PRTFDC1: variants seen among roughly 807,000 people sequenced by gnomAD.
PRTFDC1 encodes the protein phosphoribosyl transferase domain containing 1.
In PRTFDC1, 38 loss-of-function variants were observed where a neutral mutation model predicts 34.6. That is an observed-to-expected ratio of 1.10 (90% CI 0.85 to 1.44). The LOEUF (loss-of-function observed/expected upper bound fraction) is 1.44. Among genes scored for constraint, PRTFDC1 ranks in the 40% most tolerant of loss-of-function variants. PRTFDC1 has a pLI of 0.00. For missense variants in PRTFDC1, 270 were observed against 283.0 expected, an observed-to-expected ratio of 0.95 and a Z score of 0.33; for synonymous variants, 93 against 98.1, an observed-to-expected ratio of 0.95 and a Z score of 0.31.
chr10:24,949,992 C>G (rs1849314861), intron 1 of PRTFDC1, among the ~76,000 whole-genome samples: 1 of 152,066 alleles, frequency 6.6e-6, no homozygotes, highest in African/African-American at 2.4e-5. Context: ...CCTCGGCCTC[C>G]CAAAGTGGTG....
chr10:24,917,065 C>T (rs1393563268), intron 3 of PRTFDC1, among the ~76,000 whole-genome samples: 1 of 152,206 alleles, frequency 6.6e-6, no homozygotes, highest in Non-Finnish European at 1.5e-5. Flanking sequence ...TAGCTGCATT[C>T]ATATGCTTGT....
At chr10:24,858,563 T>C (rs958480685) in intron 4 of PRTFDC1, among the ~76,000 whole-genome samples, 154 bp from the exon 5 acceptor site, 2 of 152,206 alleles carry the variant, frequency 1.3e-5, no homozygotes, top group Non-Finnish European at 2.9e-5. Flanking sequence ...ATCTAGGTTT[T>C]CCAGATTCAT....
chr10:24,865,904 C>A (rs950476305), intron 4 of PRTFDC1, among the ~76,000 whole-genome samples: 1 of 152,116 alleles, frequency 6.6e-6, no homozygotes, highest in African/African-American at 2.4e-5. Context: ...TTTAGCATTT[C>A]GTTTTATGTG....
intron 2 of PRTFDC1, among the ~76,000 whole-genome samples, chr10:24,938,785 G>A (rs1849096008): frequency 6.6e-6 from 1 of 152,222 alleles, no homozygotes; most frequent in Admixed American, 6.5e-5. Flanking sequence ...CCTGGACAGT[G>A]AAGGCTGTGT....
intron 3 of PRTFDC1, among the ~76,000 whole-genome samples, chr10:24,889,547 T>C (rs184257581): frequency 6.6e-6 from 1 of 152,152 alleles, no homozygotes; most frequent in Non-Finnish European, 1.5e-5. Flanking sequence ...AGGCATAATA[T>C]AGAGCTAAGG....
At position 24,849,613 on chromosome 10, in the gene PRTFDC1, C is replaced by T. The variant is rs1301812707; in HGVS notation, c.*231G>A. On this transcript the variant is annotated 3_prime_UTR_variant, in exon 9 of 9. Transcript: ENST00000320152. ...TAGATAGCATTGCTGAGTCACAAGG[C>T]GGAGTGTTTAATTTGGAACAAGTCA... 3 of 476,606 alleles carry T rather than the reference C, an allele frequency of 6.3e-6. No individual in the cohort carries two copies. The highest frequency in any genetic ancestry group is 1.1e-5 in the Non-Finnish European group (3 of 267,286). 29.5% of individuals were successfully genotyped at this position (476,606 alleles called of 1,614,324 possible).
intron 3 of PRTFDC1, among the ~76,000 whole-genome samples, chr10:24,892,575 C>G (rs1035820156): frequency 6.6e-6 from 1 of 152,068 alleles, no homozygotes; most frequent in South Asian, 2.1e-4. Flanking sequence ...AAAAAATAAT[C>G]TTTTCCTGAT....
rs191872199 is a variant in PRTFDC1, at chr10:24,943,249, T to C, written c.49-813A>G. Among the ~76,000 whole-genome samples the C allele has an allele frequency of 4.1e-3, 626 of 152,202 alleles. 7 individuals carry two copies. Among genetic ancestry groups the C allele is most frequent in the African/African-American group, 0.014 (567 of 41,534 alleles). On this transcript the variant is annotated intron_variant, in intron 1 of 8. Coordinates refer to ENST00000320152, the MANE Select transcript of PRTFDC1 (RefSeq NM_020200.7). ...CAGAGTAGACCCAAACTTTTGAATG[T>C]CTAGTCACTATAGTAAAGACTTTAA...
chr10:24,911,170 TAC>T, intron 3 of PRTFDC1, among the ~76,000 whole-genome samples: 1 of 152,344 alleles, frequency 6.6e-6, no homozygotes, highest in South Asian at 2.1e-4. Flanking sequence ...CATCTATCAT[TAC>T]AGTCATGATG....
At chr10:24,904,488 T>C (rs1194484374) in intron 3 of PRTFDC1, among the ~76,000 whole-genome samples, 1 of 152,176 alleles carries the variant, frequency 6.6e-6, no homozygotes, top group East Asian at 1.9e-4. Context: ...TTCGAGTAGG[T>C]GTGCTAGTCT....
At chr10:24,865,730 G>A (rs1847763212) in intron 4 of PRTFDC1, among the ~76,000 whole-genome samples, 1 of 152,200 alleles carries the variant, frequency 6.6e-6, no homozygotes, top group Non-Finnish European at 1.5e-5. Flanking sequence ...GTATTTTAGA[G>A]CACACAGTGA....
rs558047233 is a variant in PRTFDC1 at position 24,871,758 on chromosome 10, G to A, written c.405+240C>T. ...ACAAGGTGGGCAAAGGGGTTTTGCT[G>A]TCTGAAACAAGATTGGAAGGAAGCT... On this transcript the variant is annotated intron_variant, in intron 4 of 8. Transcript: ENST00000320152. Among the ~76,000 whole-genome samples, 5 of 152,266 alleles carry A rather than the reference G, an allele frequency of 3.3e-5. No individual in the cohort carries two copies. The South Asian group carries it at 1.0e-3, about 32-fold the overall frequency.
intron 3 of PRTFDC1, among the ~76,000 whole-genome samples, chr10:24,923,612 A>C (rs1394163757): frequency 1.3e-5 from 2 of 152,186 alleles, no homozygotes; most frequent in African/African-American, 2.4e-5. Context: ...CAACATCAAC[A>C]AAAAGGACAT....
rs775256550 is a variant in PRTFDC1 at position 24,872,011 on chromosome 10, G to A, written c.392C>T (p.Thr131Met). The change falls in exon 4 of 9, where the codon ACG becomes ATG. Residue 131 changes from threonine to methionine, a missense_variant. By Grantham distance (81) the Thr-to-Met change is moderately conservative. Coordinates refer to ENST00000320152, the MANE Select transcript of PRTFDC1 (RefSeq NM_020200.7). The stretch of plus-strand genomic sequence containing the variant: ...ACATGAACAAACCTTTCCAGCCAGC[G>A]TTGAAAGATCATCGCCTCCGATTAT... The part of the protein sequence containing the change: ...MQIIGGDDLS[T>M]LAGKNVLIVE... The A allele has an allele frequency of 2.7e-5, 43 of 1,611,148 alleles. 1 individual carries two copies. Among genetic ancestry groups the A allele is most frequent in the Non-Finnish European group, 3.3e-5 (39 of 1,177,614 alleles).
At chr10:24,948,451 T>C (rs1849287193) in intron 1 of PRTFDC1, among the ~76,000 whole-genome samples, 1 of 152,232 alleles carries the variant, frequency 6.6e-6, no homozygotes, top group South Asian at 2.1e-4. Context: ...GCAAAATTTC[T>C]GACCTTAGGA....
intron 3 of PRTFDC1, among the ~76,000 whole-genome samples, chr10:24,885,775 G>A (rs1269406330): frequency 6.6e-6 from 1 of 152,182 alleles, no homozygotes; most frequent in Non-Finnish European, 1.5e-5. Flanking sequence ...ATGGATGAAT[G>A]AGCTATGATG....
In PRTFDC1 at chr10:24,920,317, G is replaced by GTATA. The variant is rs143760625; in HGVS notation, c.339+16863_339+16866dup. 3.5e-4 allele frequency among the ~76,000 whole-genome samples: 52 copies of GTATA among 150,332 alleles called. 1 individual carries two copies. The highest frequency in any genetic ancestry group is 1.1e-3 in the African/African-American group (45 of 40,974). On this transcript the variant is annotated intron_variant, in intron 3 of 8. Coordinates refer to ENST00000320152, the MANE Select transcript of PRTFDC1 (RefSeq NM_020200.7). Reference sequence around the variant, plus strand: ...TGTGTGTGTATATATATATGTGTGTGTATATATATATATACCATGGAATAC... The same window carrying GTATA: ...TGTGTGTGTATATATATATGTGTGTGTATATATATATATATATACCATGGAATAC...
chr10:24,940,131 A>G (rs1293746183), intron 2 of PRTFDC1, among the ~76,000 whole-genome samples: 2 of 152,194 alleles, frequency 1.3e-5, no homozygotes, highest in East Asian at 3.9e-4. Context: ...TCTATCAGTA[A>G]TTGACAGGTC....
chr10:24,861,979 A>G (rs1312719933), intron 4 of PRTFDC1, among the ~76,000 whole-genome samples: 5 of 151,960 alleles, frequency 3.3e-5, no homozygotes. Context: ...ATATTTCCTT[A>G]CATATAAATA....
Sources: gnomAD v4.1 joint callset for allele counts (sites outside exome capture counted in the v4.1 genomes callset) on GRCh38, gnomAD v4.1.1 for gene constraint, MANE v1.5 for transcripts, NCBI Gene and HGNC (gene_info 2026-07-23, HGNC 2026-07-21) for gene names.